Variants in COL5A3 observed in about 807,000 individuals in gnomAD.
COL5A3 encodes collagen type V alpha 3 chain.
Under a neutral mutation model 250.0 loss-of-function variants are expected in COL5A3, and 172 were observed. That is an observed-to-expected ratio of 0.69 (90% CI 0.61 to 0.78). The LOEUF is 0.78. Among genes scored for constraint, COL5A3 ranks in the 30% least tolerant of loss-of-function variants. COL5A3 has a pLI of 0.00. For synonymous variants in COL5A3, 937 were observed against 900.4 expected (o/e 1.04, Z -0.73); for missense variants, 2,340 against 2,334.4 (o/e 1.00, Z -0.05).
At chr19:9,980,081 C>T (rs771648023) in intron 35 of COL5A3, 34 bp from the exon 36 acceptor site, 36 of 1,561,680 alleles carry the variant, frequency 2.3e-5, no homozygotes, top group Non-Finnish European at 3.0e-5. Flanking sequence ...ATCTCATCCC[C>T]CCTGCCTCCC....
chr19:9,966,554 G>T lies in COL5A3; in HGVS notation c.4651C>A (p.His1551Asn). ...ACCTCACCATCAGGCAGGTGCGGGTGGTTGCGGTGCAGCTCGTGGCACACG... is the reference window on the plus strand; with the variant it reads ...ACCTCACCATCAGGCAGGTGCGGGTTGTTGCGGTGCAGCTCGTGGCACACG... ...GLVCHELHRN[H>N]PHLPDGEYWI... Residue 1551 changes from histidine to asparagine, a missense_variant, in exon 63 of 67, where the codon CAC becomes AAC. His to Asn is a moderately conservative substitution (Grantham distance 68). Coordinates refer to ENST00000264828, the MANE Select transcript of COL5A3 (RefSeq NM_015719.4). 1 of 1,544,332 alleles carries T rather than the reference G, an allele frequency of 6.5e-7. No individual in the cohort carries two copies. Among genetic ancestry groups the T allele is most frequent in the Non-Finnish European group, 8.7e-7 (1 of 1,147,184 alleles).
chr19:9,989,068 C>A (rs11879755), intron 27 of COL5A3, 56 bp downstream of exon 27: 1 of 1,565,332 alleles, frequency 6.4e-7, no homozygotes, highest in African/African-American at 1.4e-5. Context: ...GGAGCTGCAT[C>A]GCATGCCTGA....
chr19:9,992,032 T>C lies in COL5A3; in HGVS notation c.1865A>G (p.Asp622Gly). 6.2e-7 allele frequency: 1 copy of C among 1,613,530 alleles called. No homozygotes were observed. The highest frequency in any genetic ancestry group is 8.5e-7 in the Non-Finnish European group (1 of 1,179,802). The change falls in exon 22 of 67, where the codon GAT becomes GGT. Residue 622 changes from aspartate to glycine, a missense_variant. Coordinates refer to ENST00000264828, the MANE Select transcript of COL5A3 (RefSeq NM_015719.4). ...ATTGCCTTTGGCACCAGGAGCACCA[T>C]CAATTCCAGTCACACCCTAGGGGAA... ...PTGRPGVTGI[D>G]GAPGAKGNVG...
At chr19:9,982,245 G>A (rs2087022033) in intron 31 of COL5A3, 127 bp from the exon 32 acceptor site, 3 of 620,682 alleles carry the variant, frequency 4.8e-6, no homozygotes, top group African/African-American at 3.8e-5. Flanking sequence ...GGTCTCTACA[G>A]CCCCAGCCTC....
intron 33 of COL5A3, 23 bp downstream of exon 33, chr19:9,981,064 AG>A: frequency 6.2e-7 from 1 of 1,610,360 alleles, no homozygotes. Context: ...CCAGCAGGGT[AG>A]GGGGCACTGT....
intron 31 of COL5A3, among the ~76,000 whole-genome samples, chr19:9,984,172 G>C (rs1263376989): frequency 2.6e-5 from 4 of 152,082 alleles, no homozygotes; most frequent in African/African-American, 9.7e-5. Context: ...ACAGGCACCC[G>C]CCACTGCACC....
intron 52 of COL5A3, 33 bp downstream of exon 52, chr19:9,971,172 A>T (rs375276961): frequency 2.8e-5 from 43 of 1,526,410 alleles, no homozygotes; most frequent in Non-Finnish European, 3.8e-5. Flanking sequence ...GAATTAGGAA[A>T]TATGCCAGGA....
chr19:9,989,460 G>T lies in COL5A3; in HGVS notation c.2046+9C>A. On this transcript the variant is annotated intron_variant, in intron 25 of 66. Coordinates refer to ENST00000264828, the MANE Select transcript of COL5A3 (RefSeq NM_015719.4). ...CTCCTTCCTCCTTTTCCCAGCTCATGGTTCTCACCAGAGGGCCATCGGATC... is the reference window on the plus strand; with the variant it reads ...CTCCTTCCTCCTTTTCCCAGCTCATTGTTCTCACCAGAGGGCCATCGGATC... 6.2e-7 allele frequency: 1 copy of T among 1,613,532 alleles called. No homozygotes were observed. Among genetic ancestry groups the T allele is most frequent in the Non-Finnish European group, 8.5e-7 (1 of 1,179,588 alleles).
chr19:9,990,472 CAT>C (rs758029244), intron 24 of COL5A3, among the ~76,000 whole-genome samples: 3 of 151,706 alleles, frequency 2.0e-5, no homozygotes, highest in Non-Finnish European at 4.4e-5. Context: ...ATGGATACTA[CAT>C]GACATGATTC....
chr19:9,997,353 C>T lies in COL5A3; in HGVS notation c.1263+18G>A. The T allele has an allele frequency of 6.3e-7, 1 of 1,596,780 alleles. No individual in the cohort carries two copies. The highest frequency in any genetic ancestry group is 8.6e-7 in the Non-Finnish European group (1 of 1,168,062). On this transcript the variant is annotated intron_variant, in intron 11 of 66. Coordinates refer to ENST00000264828, the MANE Select transcript of COL5A3 (RefSeq NM_015719.4). ...CTCACTCCTCTGAGAAGTGTACACC[C>T]CAGTGGGAGTCTCTTACCGGTGGAC...
At position 9,981,099 on chromosome 19, in the gene COL5A3, G is replaced by C. The variant is rs148832601; in HGVS notation, c.2494C>G (p.Arg832Gly). 2 of 1,613,824 alleles carry C rather than the reference G, an allele frequency of 1.2e-6. No individual in the cohort carries two copies. The highest frequency in any genetic ancestry group is 1.7e-5 in the Admixed American group (1 of 60,002). Reference sequence around the variant, plus strand: ...GTCTATTTTCTTACTGGTGGTCCCCGCTCTCCTTCCAGGCCTGGCTGCCCT... The same window carrying C: ...GTCTATTTTCTTACTGGTGGTCCCCCCTCTCCTTCCAGGCCTGGCTGCCCT... Reference protein sequence around the residue: ...KTGQPGLEGERGPPGSRGERG... With the variant: ...KTGQPGLEGEGGPPGSRGERG... The change falls in exon 33 of 67, where the codon CGG becomes GGG. Residue 832 changes from arginine to glycine, a missense_variant. By Grantham distance (125) the Arg-to-Gly change is moderately radical (BLOSUM62 -2). This residue lies in a region of COL5A3 where 1,152 missense variants were observed against 1,146.3 expected (regional missense o/e 1.00). Coordinates refer to ENST00000264828, the MANE Select transcript of COL5A3 (RefSeq NM_015719.4).
Position 9,993,078 on chromosome 19 carries a change from G to T in COL5A3, c.1750-11C>A, listed in dbSNP as rs757301164. The T allele has an allele frequency of 6.2e-5, 100 of 1,613,656 alleles. No homozygotes were observed. Among genetic ancestry groups the T allele is most frequent in the Non-Finnish European group, 8.1e-5 (95 of 1,179,820 alleles). On this transcript the variant is annotated splice_polypyrimidine_tract_variant and intron_variant, in intron 19 of 66. Coordinates refer to ENST00000264828, the MANE Select transcript of COL5A3 (RefSeq NM_015719.4). ...AGGTCCCTCTGCTCCCTGTGGAAAA[G>T]CGTCATTACTTGGGAACAGGAAGGT...
rs576761042 is a variant in COL5A3 at position 9,979,619 on chromosome 19, G to A, written c.2713-202C>T. Among the ~76,000 whole-genome samples, 7 of 152,050 alleles carry A rather than the reference G, an allele frequency of 4.6e-5. No individual in the cohort carries two copies. The East Asian group carries it at 5.8e-4, about 13-fold the overall frequency. ...AGCCTGGTCAACATGATGAAGCCCC[G>A]TCTCTACTAAAAATACAAAAATTAG... On this transcript the variant is annotated intron_variant, in intron 37 of 66. Transcript: ENST00000264828.
At chr19:10,001,741 G>A (rs1446206280) in intron 7 of COL5A3, 27 bp downstream of exon 7, 2 of 1,613,258 alleles carry the variant, frequency 1.2e-6, no homozygotes, top group South Asian at 2.2e-5. Context: ...AACCCTTGGG[G>A]TCTCCCCTCT....
chr19:9,991,957 G>T, intron 22 of COL5A3, 47 bp downstream of exon 22: 1 of 1,577,622 alleles, frequency 6.3e-7, no homozygotes, highest in Non-Finnish European at 8.7e-7. Context: ...GACAATCGGG[G>T]TCAGAGTGTC....
chr19:9,977,120 A>G (rs1332079836), intron 44 of COL5A3, 109 bp downstream of exon 44: 2 of 1,088,706 alleles, frequency 1.8e-6, no homozygotes, highest in Non-Finnish European at 2.8e-6. Flanking sequence ...CCGAGAAGGC[A>G]GAAAACTCCA....
Position 9,968,687 on chromosome 19 carries a change from G to A in COL5A3, c.4194C>T (p.Pro1398=). Residue 1398 remains proline (P), a synonymous_variant, in exon 58 of 67, where the codon CCC becomes CCT. Transcript: ENST00000264828. This position sits in a 1 kb window ranked among gnomAD's most constrained non-coding sequence, Gnocchi z 4.1. The part of the protein sequence containing the change: ...GLPGLKGDTG[P]KGEKGHIGLI... ...ATGATGTCCTTACCTTTTCCCCCTT[G>A]GGGCCAGTGTCTCCCTTCAGCCCTG... The A allele has an allele frequency of 6.2e-7, 1 of 1,606,964 alleles. No homozygotes were observed. The highest frequency in any genetic ancestry group is 8.5e-7 in the Non-Finnish European group (1 of 1,177,536).
rs777149920 is a variant in COL5A3, at chr19:9,966,390, C to G, written c.4706G>C (p.Arg1569Pro). Residue 1569 changes from arginine to proline, a missense_variant, in exon 64 of 67, where the codon CGG becomes CCG. This residue lies in a region of COL5A3 where 1,179 missense variants were observed against 1,162.6 expected (regional missense o/e 1.01). Transcript: ENST00000264828. ...YWIDPNQGCA[R>P]DSFRVFCNFT... ...GTTGCAAAAAACCCTGAACGAGTCC[C>G]GCGCGCAGCCCTGGTTGGGGTCAAT... 1.9e-6 allele frequency: 3 copies of G among 1,609,012 alleles called. No individual in the cohort carries two copies. The highest frequency in any genetic ancestry group is 8.5e-7 in the Non-Finnish European group (1 of 1,176,984).
rs1184502610 is a variant in COL5A3, at chr19:9,983,781, GAGGA to G, written c.2407-1667_2407-1664del. The stretch of plus-strand genomic sequence containing the variant: ...GGAAGAAAGGAAGGAAGGAAGAAAG[GAGGA>G]AGGAAGGAAGGAGAATAAAGTTGTC... On this transcript the variant is annotated intron_variant, in intron 31 of 66. Coordinates refer to ENST00000264828, the MANE Select transcript of COL5A3 (RefSeq NM_015719.4). 4.6e-5 allele frequency among the ~76,000 whole-genome samples: 7 copies of G among 151,092 alleles called. No individual in the cohort carries two copies. The South Asian group carries it at 8.4e-4, about 18-fold the overall frequency.
Sources: allele counts gnomAD v4.1 joint callset (sites outside exome capture counted in the v4.1 genomes callset), GRCh38; gene constraint gnomAD v4.1.1; regional missense constraint gnomAD v4.1.1; non-coding constraint Gnocchi (gnomAD v3.1); transcripts MANE v1.5; gene names NCBI Gene and HGNC (gene_info 2026-07-23, HGNC 2026-07-21).